PDXK: variants seen among roughly 807,000 people sequenced by gnomAD.
PDXK encodes the protein epididymis secretory sperm binding protein Li 1a.
In PDXK, 15 loss-of-function variants were observed where a neutral mutation model predicts 43.2. That is an observed-to-expected ratio of 0.35 (90% confidence interval 0.23 to 0.53). PDXK has a LOEUF of 0.53. Among genes scored for constraint, PDXK ranks in the 20% least tolerant of loss-of-function variants. PDXK has a pLI of 0.92. For missense variants in PDXK, 343 were observed against 417.0 expected, an observed-to-expected ratio of 0.82 and a Z score of 1.54; for synonymous variants, 172 against 165.4, an observed-to-expected ratio of 1.04 and a Z score of -0.31.
Position 43,730,292 on chromosome 21 carries a change from A to G in PDXK, c.88-3777A>G, listed in dbSNP as rs552451049. Among the ~76,000 whole-genome samples, 1,067 of 152,072 alleles carry G rather than the reference A, an allele frequency of 7.0e-3. 4 individuals carry two copies. Among genetic ancestry groups the G allele is most frequent in the Non-Finnish European group, 9.6e-3 (653 of 67,992 alleles). On this transcript the variant is annotated intron_variant, in intron 1 of 10. Coordinates refer to ENST00000291565, the MANE Select transcript of PDXK (RefSeq NM_003681.5). ...AGGCACGAGCCACTACACCCGGCCA[A>G]TTTTTGTATTTTTAGTAGAGACGGG...
In PDXK at chr21:43,757,540, C is replaced by G. The variant is rs749937808; in HGVS notation, c.*1477C>G. ...CATTCCAGTGTCTTCTAGAAAGACT[C>G]GCTTGCCAGGAGTGCGTTCTTTGTT... On this transcript the variant is annotated 3_prime_UTR_variant, in exon 11 of 11. Transcript: ENST00000291565. 1 of 152,262 alleles carries G rather than the reference C, an allele frequency of 6.6e-6. No homozygotes were observed. The highest frequency in any genetic ancestry group is 1.5e-5 in the Non-Finnish European group (1 of 68,072). 9.4% of individuals were successfully genotyped at this position (152,262 alleles called of 1,614,324 possible). A position where few individuals can be genotyped will look rare whatever the true frequency, so the allele number is the denominator to read the frequency against.
chr21:43,722,571 C>G (rs1419255700), intron 1 of PDXK, among the ~76,000 whole-genome samples: 1 of 152,152 alleles, frequency 6.6e-6, no homozygotes, highest in Non-Finnish European at 1.5e-5. Context: ...AAATTCACCT[C>G]TCATAGTCTG....
intron 7 of PDXK, among the ~76,000 whole-genome samples, chr21:43,751,025 G>T (rs907786178): frequency 4.6e-5 from 7 of 152,240 alleles, no homozygotes; most frequent in Admixed American, 6.5e-5. Context: ...CTTGAGCTGT[G>T]TGGGGGCTCC....
chr21:43,741,882 CTTCAAG>C (rs2083540120), intron 3 of PDXK, 111 bp downstream of exon 3: 1 of 727,542 alleles, frequency 1.4e-6, no homozygotes, highest in Non-Finnish European at 2.4e-6. Flanking sequence ...GTCCCTGCCC[CTTCAAG>C]GAGGGCCTTG....
Position 43,737,756 on chromosome 21 carries a change from C to T in PDXK, c.142+3633C>T. 8 of 985,418 alleles carry T rather than the reference C, an allele frequency of 8.1e-6. No homozygotes were observed. The highest frequency in any genetic ancestry group is 9.6e-6 in the Non-Finnish European group (8 of 829,894). 61.0% of individuals were successfully genotyped at this position (985,418 alleles called of 1,614,324 possible). ...ACACCAGCGAGGGGCCAGGCCGGGCCAGACTCCCTGGCCGGCTGGGATCTG... is the reference window on the plus strand; with the variant it reads ...ACACCAGCGAGGGGCCAGGCCGGGCTAGACTCCCTGGCCGGCTGGGATCTG... On this transcript the variant is annotated intron_variant, in intron 2 of 10. Transcript: ENST00000291565. This position sits in a 1 kb window ranked among gnomAD's most constrained non-coding sequence, Gnocchi z 4.8.
rs2083902497 is a variant in PDXK at position 43,759,619 on chromosome 21, C to T, written c.*3556C>T. 1.3e-5 allele frequency: 2 copies of T among 153,530 alleles called. No individual in the cohort carries two copies. Among genetic ancestry groups the T allele is most frequent in the African/African-American group, 4.8e-5 (2 of 41,440 alleles). The allele number at this position is 153,530 out of a possible 1,614,324, so 9.5% of individuals were successfully genotyped here. On this transcript the variant is annotated 3_prime_UTR_variant, in exon 11 of 11. Coordinates refer to ENST00000291565, the MANE Select transcript of PDXK (RefSeq NM_003681.5). The stretch of plus-strand genomic sequence containing the variant: ...TCCCTGTGGATCGCCTGCCTGGGCC[C>T]AGAGCAGGGGAACTGGAGTTTGTGA...
Position 43,737,200 on chromosome 21 carries a change from G to C in PDXK, c.142+3077G>C. 2 of 1,440,806 alleles carry C rather than the reference G, an allele frequency of 1.4e-6. No homozygotes were observed. Among genetic ancestry groups the C allele is most frequent in the Non-Finnish European group, 1.8e-6 (2 of 1,099,524 alleles). The allele number at this position is 1,440,806 out of a possible 1,614,324, so 89.3% of individuals were successfully genotyped here. Reference sequence around the variant, plus strand: ...GGGACACGGGTGTTCCACACAAGCTGCGTTGTTGGTTCCCTGACGCCCTTC... The same window carrying C: ...GGGACACGGGTGTTCCACACAAGCTCCGTTGTTGGTTCCCTGACGCCCTTC... On this transcript the variant is annotated intron_variant, in intron 2 of 10. Coordinates refer to ENST00000291565, the MANE Select transcript of PDXK (RefSeq NM_003681.5). This position sits in a 1 kb window ranked among gnomAD's most constrained non-coding sequence, Gnocchi z 4.8.
chr21:43,747,408 A>G (rs1253084553), intron 5 of PDXK, among the ~76,000 whole-genome samples: 1 of 152,282 alleles, frequency 6.6e-6, no homozygotes, highest in Non-Finnish European at 1.5e-5. Context: ...TTCACTGAGC[A>G]CAGCGGGCTT....
intron 1 of PDXK, chr21:43,719,700 C>G: frequency 1.0e-6 from 1 of 985,438 alleles, no homozygotes; most frequent in Non-Finnish European, 1.2e-6. Flanking sequence ...GGCCAACTGC[C>G]GCGGGGGCGG....
At chr21:43,741,630 C>A (rs553170518) in intron 2 of PDXK, 37 bp from the exon 3 acceptor site, 2 of 1,601,524 alleles carry the variant, frequency 1.2e-6, no homozygotes, top group Non-Finnish European at 1.7e-6. Context: ...AGCTGGCCCC[C>A]TTGTGTCTGA....
At chr21:43,740,721 C>T (rs1461124902) in intron 2 of PDXK, among the ~76,000 whole-genome samples, 1 of 151,872 alleles carries the variant, frequency 6.6e-6, no homozygotes, top group East Asian at 1.9e-4. Flanking sequence ...CCCTGGCTAC[C>T]CATCGGGCCA....
At chr21:43,750,982 AC>A (rs2083741010) in intron 7 of PDXK, among the ~76,000 whole-genome samples, 4 of 137,318 alleles carry the variant, frequency 2.9e-5, no homozygotes, top group Non-Finnish European at 6.4e-5. Context: ...GTGTGTGTGC[AC>A]ATGTGTGTGA....
At chr21:43,733,343 G>A (rs1429275617) in intron 1 of PDXK, among the ~76,000 whole-genome samples, 1 of 150,438 alleles carries the variant, frequency 6.6e-6, no homozygotes, top group African/African-American at 2.4e-5. Context: ...ACTTGAAGGT[G>A]GGACTCAGGG....
chr21:43,748,984 T>G lies in PDXK; in HGVS notation c.379-11T>G. The G allele has an allele frequency of 6.3e-7, 1 of 1,577,256 alleles. No homozygotes were observed. The highest frequency in any genetic ancestry group is 8.7e-7 in the Non-Finnish European group (1 of 1,148,058). ...GACTCAGCCTCTCCTCCTGTCTCCT[T>G]TGTTGGCCAGTACGTCCCGGAGGAC... On this transcript the variant is annotated splice_polypyrimidine_tract_variant and intron_variant, in intron 5 of 10. Transcript: ENST00000291565.
chr21:43,753,412 G>A (rs542408913), intron 8 of PDXK, among the ~76,000 whole-genome samples, 171 bp from the exon 9 acceptor site: 3 of 152,236 alleles, frequency 2.0e-5, no homozygotes, highest in South Asian at 2.1e-4. Flanking sequence ...CCCTTGCTGC[G>A]GTGATGGGGA....
Position 43,750,504 on chromosome 21 carries a change from C to A in PDXK, c.469C>A (p.Leu157Met). 1 of 1,612,642 alleles carries A rather than the reference C, an allele frequency of 6.2e-7. No homozygotes were observed. Among genetic ancestry groups the A allele is most frequent in the Non-Finnish European group, 8.5e-7 (1 of 1,179,250 alleles). Reference protein sequence around the residue: ...ITPNQFEAELLSGRKIHSQEE... With the variant: ...ITPNQFEAELMSGRKIHSQEE... ...CTGTCCCCGCCTGTCTTCCAGGTTA[C>A]TGAGTGGCCGGAAGATCCACAGCCA... Residue 157 changes from leucine (L) to methionine (M), a missense_variant, in exon 7 of 11, where the codon CTG becomes ATG. Physicochemically the swap from Leu to Met is conservative, Grantham distance 15. Transcript: ENST00000291565.
Position 43,734,091 on chromosome 21 carries a change from C to T in PDXK, c.110C>T (p.Ala37Val), listed in dbSNP as rs372699159. The T allele has an allele frequency of 2.2e-5, 36 of 1,614,050 alleles. No individual in the cohort carries two copies. Among genetic ancestry groups the T allele is most frequent in the Middle Eastern group, 1.6e-4 (1 of 6,084 alleles). ...PLQVLGFEID[A>V]VNSVQFSNHT... ...CAGGTTTTGGGATTTGAGATTGACG[C>T]GGTGAACTCTGTCCAGTTTTCAAAC... The change falls in exon 2 of 11, where the codon GCG becomes GTG. Residue 37 changes from alanine (A) to valine (V), a missense_variant. Physicochemically the swap from Ala to Val is moderately conservative, Grantham distance 64. Coordinates refer to ENST00000291565, the MANE Select transcript of PDXK (RefSeq NM_003681.5). The surrounding 1 kb of genome is among the most constrained non-coding windows in gnomAD (Gnocchi z 5.0).
chr21:43,738,050 C>A (rs917446526), intron 2 of PDXK: 25 of 985,380 alleles, frequency 2.5e-5, no homozygotes, highest in Non-Finnish European at 2.7e-5. Flanking sequence ...GACGTCTCCC[C>A]TTCCTCATGG....
At position 43,755,874 on chromosome 21, in the gene PDXK, A is replaced by C. The variant is rs1198911925; in HGVS notation, c.827-77A>C. On this transcript the variant is annotated intron_variant, in intron 10 of 10. Transcript: ENST00000291565. ...AAGGTGTGATCGGTGTCTCCTGCTG[A>C]CCTCACCTCTGGGAGTGGGGGCAAC... The C allele has an allele frequency of 4.2e-6, 6 of 1,431,458 alleles. No homozygotes were observed. In the Admixed American group the frequency reaches 1.0e-4, roughly 24 times the overall value. 88.7% of individuals were successfully genotyped at this position (1,431,458 alleles called of 1,614,324 possible).
Sources: gnomAD v4.1 joint callset for allele counts (sites outside exome capture counted in the v4.1 genomes callset) on GRCh38, gnomAD v4.1.1 for gene constraint, Gnocchi (gnomAD v3.1) non-coding constraint, MANE v1.5 for transcripts, NCBI Gene and HGNC (gene_info 2026-07-23, HGNC 2026-07-21) for gene names.